The following SBNO2 variants were observed in gnomAD, a reference collection of about 807,000 sequenced individuals.
SBNO2 encodes protein strawberry notch homolog 2.
In SBNO2, 89 loss-of-function variants were observed where a neutral mutation model predicts 146.3. The ratio of observed to expected loss-of-function variants is 0.61; its 90% confidence interval spans 0.51 to 0.73. SBNO2 has a LOEUF of 0.73. SBNO2 is among the 30% of genes least tolerant of loss of function. SBNO2 has a pLI of 0.00. For missense variants in SBNO2, 2,092 were observed against 2,003.7 expected (o/e 1.04, Z -0.84); for synonymous variants, 1,147 against 892.6 (o/e 1.29, Z -5.08).
In SBNO2 at chr19:1,132,444, G is replaced by A. The variant is rs1336349305; in HGVS notation, c.280-4679C>T. Among the ~76,000 whole-genome samples, 5 of 152,196 alleles carry A rather than the reference G, an allele frequency of 3.3e-5. No homozygotes were observed. In the East Asian group the frequency reaches 9.6e-4, roughly 29 times the overall value. On this transcript the variant is annotated intron_variant, in intron 4 of 31. Coordinates refer to ENST00000361757, the MANE Select transcript of SBNO2 (RefSeq NM_014963.3). The stretch of plus-strand genomic sequence containing the variant: ...CACGCAACCCCACCCGTGCCCCGCC[G>A]CAGGACCAGCCCCCTTTGGGGCACC...
chr19:1,160,172 G>A (rs185905774), intron 1 of SBNO2, among the ~76,000 whole-genome samples: 188 of 152,316 alleles, frequency 1.2e-3, no homozygotes, highest in Non-Finnish European at 1.2e-3. Flanking sequence ...CCCCGGCAGC[G>A]AGGCTGAGGG....
chr19:1,133,334 C>T (rs982459106), intron 4 of SBNO2, among the ~76,000 whole-genome samples: 13 of 152,168 alleles, frequency 8.5e-5, no homozygotes, highest in Non-Finnish European at 1.8e-4. Flanking sequence ...CCCGAGAGGC[C>T]AGGGGAGCCC....
At chr19:1,169,957 C>T (rs1012659856) in intron 1 of SBNO2, among the ~76,000 whole-genome samples, 8 of 152,324 alleles carry the variant, frequency 5.3e-5, no homozygotes, top group South Asian at 4.1e-4. Flanking sequence ...TGCAACCACA[C>T]GCCCACTTCT....
rs369926315 is a variant in SBNO2, at chr19:1,109,281, C to T, written c.3348+11G>A. On this transcript the variant is annotated intron_variant, in intron 29 of 31. Coordinates refer to ENST00000361757, the MANE Select transcript of SBNO2 (RefSeq NM_014963.3). The surrounding 1 kb of genome is among the most constrained non-coding windows in gnomAD (Gnocchi z 4.2). Reference sequence around the variant, plus strand: ...CAACCCGAGCGAAAGCTGCGCCCGGCGGCCGCCTACCCGGTGGAACTTGCG... The same window carrying T: ...CAACCCGAGCGAAAGCTGCGCCCGGTGGCCGCCTACCCGGTGGAACTTGCG... 5.5e-4 allele frequency: 872 copies of T among 1,585,876 alleles called. 3 individuals carry two copies. Among genetic ancestry groups the T allele is most frequent in the Non-Finnish European group, 6.9e-4 (809 of 1,167,178 alleles).
chr19:1,142,443 T>C (rs996414644), intron 4 of SBNO2, among the ~76,000 whole-genome samples: 4 of 152,196 alleles, frequency 2.6e-5, no homozygotes, highest in African/African-American at 4.8e-5. Context: ...GGTGTATCAA[T>C]AGTTACCAGG....
Position 1,124,011 on chromosome 19 carries a change from G to C in SBNO2, c.453C>G (p.Leu151=). The change falls in exon 6 of 32, where the codon CTC becomes CTG. Residue 151 remains leucine (L), a synonymous_variant. Coordinates refer to ENST00000361757, the MANE Select transcript of SBNO2 (RefSeq NM_014963.3). ...CCTCGAAGCCTGCAAACGGCCTGCTGAGCTGGAACAGCTGGAAGGGGAGCA... is the reference window on the plus strand; with the variant it reads ...CCTCGAAGCCTGCAAACGGCCTGCTCAGCTGGAACAGCTGGAAGGGGAGCA... The part of the protein sequence containing the change: ...APSTHDKLFQ[L]SRPFAGFEDF... 6.2e-7 allele frequency: 1 copy of C among 1,611,400 alleles called. No homozygotes were observed. The highest frequency in any genetic ancestry group is 8.5e-7 in the Non-Finnish European group (1 of 1,179,146).
In SBNO2 at chr19:1,136,278, C is replaced by T. The variant is rs1264380905; in HGVS notation, c.280-8513G>A. Among the ~76,000 whole-genome samples, 1 of 152,214 alleles carries T rather than the reference C, an allele frequency of 6.6e-6. No individual in the cohort carries two copies. Among genetic ancestry groups the T allele is most frequent in the Non-Finnish European group, 1.5e-5 (1 of 68,034 alleles). On this transcript the variant is annotated intron_variant, in intron 4 of 31. Transcript: ENST00000361757. This position sits in a 1 kb window ranked among gnomAD's most constrained non-coding sequence, Gnocchi z 4.2. ...CTGGCCTTTGAAGCTGTGTGTGCTGCTTCCTCACAGCAGCCCTGGGAGGCT... is the reference window on the plus strand; with the variant it reads ...CTGGCCTTTGAAGCTGTGTGTGCTGTTTCCTCACAGCAGCCCTGGGAGGCT...
rs1599859164 is a variant in SBNO2 at position 1,140,535 on chromosome 19, C to A, written c.279+6774G>T. ...GGCCGGGCAAGGCACACACGTGACA[C>A]CGCGGGAGCCCCGCAGCCCACGGTG... On this transcript the variant is annotated intron_variant, in intron 4 of 31. Coordinates refer to ENST00000361757, the MANE Select transcript of SBNO2 (RefSeq NM_014963.3). The surrounding 1 kb of genome is among the most constrained non-coding windows in gnomAD (Gnocchi z 4.4). Among the ~76,000 whole-genome samples, 1 of 152,110 alleles carries A rather than the reference C, an allele frequency of 6.6e-6. No individual in the cohort carries two copies. Among genetic ancestry groups the A allele is most frequent in the South Asian group, 2.1e-4 (1 of 4,836 alleles).
At chr19:1,123,074 A>G in intron 7 of SBNO2, 29 bp from the exon 8 acceptor site, 1 of 1,585,034 alleles carries the variant, frequency 6.3e-7, no homozygotes, top group Non-Finnish European at 8.6e-7. Flanking sequence ...AGGGCAAGGT[A>G]AAGGGTATGG....
At chr19:1,163,301 G>A (rs941747633) in intron 1 of SBNO2, among the ~76,000 whole-genome samples, 8 of 151,686 alleles carry the variant, frequency 5.3e-5, no homozygotes, top group South Asian at 2.1e-4. Context: ...GCATGGAGAC[G>A]GAGCAGAGGC....
chr19:1,156,913 C>A (rs1163475972), intron 1 of SBNO2, among the ~76,000 whole-genome samples: 3 of 151,798 alleles, frequency 2.0e-5, no homozygotes, highest in Admixed American at 2.0e-4. Flanking sequence ...GAACGCCCAC[C>A]CTCTGCAATC....
intron 1 of SBNO2, among the ~76,000 whole-genome samples, chr19:1,162,275 C>A (rs374259497): frequency 1.0e-5 from 1 of 100,034 alleles, no homozygotes; most frequent in Non-Finnish European, 2.2e-5. Flanking sequence ...CTGGCTAACA[C>A]GGTGAAACCC....
chr19:1,113,574 C>T lies in SBNO2; in HGVS notation c.2208G>A (p.Glu736=). The change falls in exon 19 of 32, where the codon GAG becomes GAA. Residue 736 remains glutamate, a synonymous_variant. Transcript: ENST00000361757. ...GRELPVNTLD[E]LIDQLGGPQR... is the part of the protein sequence containing the mutation. ...GGGGGCCGCCCAGCTGGTCGATGAG[C>T]TCGTCCAGGGTGTTGACTGGCAGTT... The T allele has an allele frequency of 1.2e-6, 2 of 1,601,942 alleles. No individual in the cohort carries two copies. Among genetic ancestry groups the T allele is most frequent in the South Asian group, 1.1e-5 (1 of 90,192 alleles).
intron 4 of SBNO2, among the ~76,000 whole-genome samples, chr19:1,135,179 TAGTG>T (rs1236592851): frequency 6.7e-6 from 1 of 148,832 alleles, no homozygotes; most frequent in East Asian, 2.0e-4. Flanking sequence ...CTGGGCAACA[TAGTG>T]AGATCCCATC....
chr19:1,108,078 C>G lies in SBNO2; in HGVS notation c.*142G>C. ...CGCCAGGGCTGACCAGGTGGGGGCC[C>G]GGGTCGGGCGCTGAAGGCACTGCGG... On this transcript the variant is annotated 3_prime_UTR_variant, in exon 32 of 32. Transcript: ENST00000361757. The G allele has an allele frequency of 1.0e-6, 1 of 980,590 alleles. No homozygotes were observed. Among genetic ancestry groups the G allele is most frequent in the Non-Finnish European group, 1.4e-6 (1 of 731,468 alleles). 60.7% of individuals were successfully genotyped at this position (980,590 alleles called of 1,614,324 possible).
At chr19:1,122,316 C>T (rs749271938) in intron 10 of SBNO2, 34 bp from the exon 11 acceptor site, 4 of 1,534,264 alleles carry the variant, frequency 2.6e-6, no homozygotes, top group Admixed American at 3.9e-5. Context: ...GGAATGGGGC[C>T]CCGGCTCAGC....
chr19:1,152,100 G>A (rs550726475), intron 2 of SBNO2, among the ~76,000 whole-genome samples: 1 of 152,368 alleles, frequency 6.6e-6, no homozygotes, highest in East Asian at 1.9e-4. Flanking sequence ...AGGGTGGGAT[G>A]AGCCTCACAC....
In SBNO2 at chr19:1,158,334, G is replaced by A. The variant is rs748456960; in HGVS notation, c.-126-3932C>T. On this transcript the variant is annotated intron_variant, in intron 1 of 31. Coordinates refer to ENST00000361757, the MANE Select transcript of SBNO2 (RefSeq NM_014963.3). The surrounding 1 kb of genome is among the most constrained non-coding windows in gnomAD (Gnocchi z 9.9). ...CCGTCCTCTCGCCGAGCAGGGTTGT[G>A]ACCCCCGCACTTTCGGATGTGGACA... Among the ~76,000 whole-genome samples, 30 of 152,280 alleles carry A rather than the reference G, an allele frequency of 2.0e-4. No homozygotes were observed. Among genetic ancestry groups the A allele is most frequent in the Non-Finnish European group, 3.4e-4 (23 of 68,010 alleles).
chr19:1,169,797 A>C (rs2080460305), intron 1 of SBNO2, among the ~76,000 whole-genome samples: 2 of 152,192 alleles, frequency 1.3e-5, no homozygotes. Flanking sequence ...TACAATCCAC[A>C]CCAGGAGGGG....
Sources: gnomAD v4.1 joint callset for allele counts (sites outside exome capture counted in the v4.1 genomes callset) on GRCh38, gnomAD v4.1.1 for gene constraint, Gnocchi (gnomAD v3.1) non-coding constraint, MANE v1.5 for transcripts, NCBI Gene and HGNC (gene_info 2026-07-23, HGNC 2026-07-21) for gene names.